AHCY: variants seen among roughly 807,000 people sequenced by gnomAD.
AHCY encodes the protein adenosylhomocysteinase.
A neutral mutation model predicts 45.4 loss-of-function variants in AHCY; 24 were observed. The ratio of observed to expected loss-of-function variants is 0.53; its 90% CI spans 0.38 to 0.74. The LOEUF (loss-of-function observed/expected upper bound fraction) is 0.74, where lower values mean the gene tolerates loss of function less well. AHCY is among the 30% of genes least tolerant of loss of function. The pLI, the probability that AHCY is intolerant of heterozygous loss-of-function variation, is 0.00. For missense variants in AHCY, 449 were observed against 594.1 expected, an observed-to-expected ratio of 0.76 and a Z score of 2.54; for synonymous variants, 245 against 235.1, an observed-to-expected ratio of 1.04 and a Z score of -0.39.
chr20:34,270,769 CTT>C, the AHCY span, among the ~76,000 whole-genome samples: 5 of 152,206 alleles, frequency 3.3e-5, no homozygotes, highest in African/African-American at 9.7e-5. Flanking sequence ...GCCATTGTCT[CTT>C]GTTAGAGGTT....
rs371576288 is a variant in AHCY, at chr20:34,285,545, G to T, written c.1062C>A (p.Pro354=). The change falls in exon 9 of 10, where the codon CCC becomes CCA. Residue 354 remains proline (P), a synonymous_variant. Transcript: ENST00000217426. The part of the protein sequence containing the change: ...LVNLGCAMGH[P]SFVMSNSFTN... ...TGAAGGAGTTACTCATCACGAAGCT[G>T]GGGTGGCCCATGGCACAACCCAGGT... The T allele has an allele frequency of 1.2e-6, 2 of 1,614,078 alleles. No homozygotes were observed. Among genetic ancestry groups the T allele is most frequent in the Non-Finnish European group, 1.7e-6 (2 of 1,180,032 alleles).
intron 2 of AHCY, among the ~76,000 whole-genome samples, chr20:34,294,552 G>A (rs992521888): frequency 1.3e-5 from 2 of 152,158 alleles, no homozygotes; most frequent in Non-Finnish European, 2.9e-5. Context: ...AAGGGAGTTG[G>A]GAGTGGGGAG....
chr20:34,273,654 A>C, the AHCY span, among the ~76,000 whole-genome samples: 1 of 152,248 alleles, frequency 6.6e-6, no homozygotes, highest in Non-Finnish European at 1.5e-5. Flanking sequence ...ATTTGCGAAG[A>C]GGACAGGATA....
chr20:34,259,083 G>C, the AHCY span, among the ~76,000 whole-genome samples: 9 of 151,140 alleles, frequency 6.0e-5, no homozygotes, highest in East Asian at 1.8e-3. Context: ...GTTTGCACAT[G>C]CCTGTAGTGC....
rs776310678 is a variant in AHCY at position 34,303,222 on chromosome 20, GC to G, written c.28+20del. ...GGCGGGTGCCGGGCGGCCGCAACCG[GC>G]TGCAGGTCCTGGGACTCACCGACTT... is the stretch of plus-strand genomic sequence containing the variant. On this transcript the variant is annotated intron_variant, in intron 1 of 9. Transcript: ENST00000217426. The G allele has an allele frequency of 8.6e-5, 134 of 1,551,282 alleles. 2 individuals carry two copies. In the East Asian group the frequency reaches 2.5e-3, roughly 29 times the overall value.
At chr20:34,283,201 C>T (rs768059063) in intron 9 of AHCY, among the ~76,000 whole-genome samples, 1 of 152,124 alleles carries the variant, frequency 6.6e-6, no homozygotes, top group Non-Finnish European at 1.5e-5. Context: ...CTTCTCCCAG[C>T]ACCCTGAACC....
At chr20:34,259,587 A>T in the AHCY span, among the ~76,000 whole-genome samples, 3 of 152,114 alleles carry the variant, frequency 2.0e-5, no homozygotes, top group African/African-American at 7.2e-5. Flanking sequence ...CTCTACAAAA[A>T]ATACAAAAAT....
the AHCY span, among the ~76,000 whole-genome samples, chr20:34,232,809 C>T: frequency 1.3e-5 from 2 of 152,216 alleles, no homozygotes; most frequent in Non-Finnish European, 2.9e-5. Flanking sequence ...ATGAGTTTCT[C>T]TGTTTTAATA....
At chr20:34,267,436 G>A in the AHCY span, among the ~76,000 whole-genome samples, 1 of 126,794 alleles carries the variant, frequency 7.9e-6, no homozygotes, top group Non-Finnish European at 1.5e-5. Context: ...CTTTGGGAGG[G>A]CGACAAGAGT....
At chr20:34,259,692 G>A in the AHCY span, among the ~76,000 whole-genome samples, 3 of 151,936 alleles carry the variant, frequency 2.0e-5, no homozygotes, top group African/African-American at 7.3e-5. Flanking sequence ...GGAGGTTGCA[G>A]TGAGCCGAGA....
chr20:34,238,640 G>A, the AHCY span, among the ~76,000 whole-genome samples: 1 of 151,784 alleles, frequency 6.6e-6, no homozygotes, highest in African/African-American at 2.4e-5. Context: ...TGTCTAGTAG[G>A]TCTGCCATGA....
At chr20:34,302,193 G>A (rs963379482) in intron 1 of AHCY, among the ~76,000 whole-genome samples, 1 of 152,062 alleles carries the variant, frequency 6.6e-6, no homozygotes, top group African/African-American at 2.4e-5. Flanking sequence ...TAGAGATAGC[G>A]TTTCACCACG....
At chr20:34,233,231 T>C in the AHCY span, among the ~76,000 whole-genome samples, 1 of 145,474 alleles carries the variant, frequency 6.9e-6, no homozygotes, top group African/African-American at 2.6e-5. Flanking sequence ...CACTGAAAGC[T>C]CTGCCTCCTG....
Position 34,300,180 on chromosome 20 carries a change from C to T in AHCY, c.28+3063G>A, listed in dbSNP as rs191716750. Among the ~76,000 whole-genome samples, 258 of 152,114 alleles carry T rather than the reference C, an allele frequency of 1.7e-3. 1 individual carries two copies. The highest frequency in any genetic ancestry group is 5.9e-3 in the African/African-American group (244 of 41,492). On this transcript the variant is annotated intron_variant, in intron 1 of 9. Coordinates refer to ENST00000217426, the MANE Select transcript of AHCY (RefSeq NM_000687.4). ...AACCTGGGTGAGAGGGAGACTCTGTCTCCAAAAAAAACAATAAAGAAATAA... is the reference window on the plus strand; with the variant it reads ...AACCTGGGTGAGAGGGAGACTCTGTTTCCAAAAAAAACAATAAAGAAATAA...
the AHCY span, among the ~76,000 whole-genome samples, chr20:34,257,334 T>C: frequency 6.6e-6 from 1 of 152,098 alleles, no homozygotes; most frequent in Non-Finnish European, 1.5e-5. Flanking sequence ...ATCCATTCGC[T>C]TCAGCCTCCC....
the AHCY span, among the ~76,000 whole-genome samples, chr20:34,271,618 T>C: frequency 5.4e-5 from 8 of 147,142 alleles, no homozygotes; most frequent in African/African-American, 1.7e-4. Flanking sequence ...CAGGCTGTAG[T>C]GTAGTGGCGC....
upstream of AHCY, among the ~76,000 whole-genome samples, chr20:34,306,095 A>G (rs533070579): frequency 2.0e-5 from 3 of 151,814 alleles, no homozygotes; most frequent in Non-Finnish European, 4.4e-5. Flanking sequence ...AAAAAAAAAA[A>G]AAAGAAAAAA....
the AHCY span, among the ~76,000 whole-genome samples, chr20:34,270,967 TTTTGTTTG>T: frequency 8.6e-4 from 131 of 151,778 alleles, no homozygotes; most frequent in African/African-American, 3.1e-3. Context: ...CAGTTCTTGC[TTTTGTTTG>T]TTTGTTTGTT....
chr20:34,292,268 G>T, intron 4 of AHCY, 90 bp downstream of exon 4: 1 of 1,475,556 alleles, frequency 6.8e-7, no homozygotes, highest in Non-Finnish European at 9.2e-7. Flanking sequence ...TTGAGGTGAT[G>T]GGAGTCCTGC....
Sources: gnomAD v4.1 joint callset for allele counts (sites outside exome capture counted in the v4.1 genomes callset) on GRCh38, gnomAD v4.1.1 for gene constraint, MANE v1.5 for transcripts, NCBI Gene and HGNC (gene_info 2026-07-23, HGNC 2026-07-21) for gene names.